BRSK2: variants seen among roughly 807,000 people sequenced by gnomAD.
BRSK2 encodes the protein serine/threonine-protein kinase BRSK2.
Under a neutral mutation model 83.3 loss-of-function variants are expected in BRSK2, and 19 were observed. The ratio of observed to expected loss-of-function variants is 0.23; its 90% CI spans 0.16 to 0.33. The LOEUF is 0.33. Among genes scored for constraint, BRSK2 ranks in the 10% least tolerant of loss-of-function variants. The probability of loss-of-function intolerance (pLI) is 1.00; values close to 1 mark genes in which losing one functional copy is unlikely to be tolerated. For synonymous variants in BRSK2, 519 were observed against 435.4 expected (o/e 1.19, Z -2.39); for missense variants, 798 against 1,042.3 (o/e 0.77, Z 3.23).
At chr11:1,411,540 C>T (rs765301999) in intron 1 of BRSK2, 2 of 1,555,470 alleles carry the variant, frequency 1.3e-6, no homozygotes, top group Non-Finnish European at 1.7e-6. Flanking sequence ...TCACAGAGTG[C>T]CAGCTGGCCA....
At chr11:1,425,863 G>A (rs1336521745) in intron 1 of BRSK2, among the ~76,000 whole-genome samples, 2 of 152,316 alleles carry the variant, frequency 1.3e-5, no homozygotes, top group African/African-American at 4.8e-5. Context: ...TGTGGGGCAG[G>A]GGAGGGCGTG....
chr11:1,391,456 G>A (rs1845728091), intron 1 of BRSK2, among the ~76,000 whole-genome samples: 1 of 152,186 alleles, frequency 6.6e-6, no homozygotes, highest in Non-Finnish European at 1.5e-5. Flanking sequence ...AAGAAAGTGG[G>A]CCAGGCCCAG....
chr11:1,442,417 A>AG, intron 4 of BRSK2, 73 bp from the exon 5 acceptor site: 1 of 1,169,456 alleles, frequency 8.6e-7, no homozygotes, highest in Non-Finnish European at 1.3e-6. Context: ...GGCTCTGGGC[A>AG]GGGGGTCTCC....
chr11:1,396,814 G>A (rs1262179422), intron 1 of BRSK2, among the ~76,000 whole-genome samples: 2 of 152,240 alleles, frequency 1.3e-5, no homozygotes, highest in African/African-American at 2.4e-5. Flanking sequence ...GTGGGGCTGT[G>A]CCTAGATGGT....
chr11:1,449,042 ACTGT>A (rs1311781719), intron 12 of BRSK2, among the ~76,000 whole-genome samples: 1 of 152,192 alleles, frequency 6.6e-6, no homozygotes, highest in African/African-American at 2.4e-5. Flanking sequence ...GGCAGCTGCC[ACTGT>A]CTGGGCACGT....
intron 12 of BRSK2, among the ~76,000 whole-genome samples, chr11:1,449,196 C>T (rs1845494889): frequency 6.6e-6 from 1 of 152,220 alleles, no homozygotes; most frequent in Non-Finnish European, 1.5e-5. Flanking sequence ...AGGTCTCAGG[C>T]TGAGTAGGGC....
intron 1 of BRSK2, among the ~76,000 whole-genome samples, chr11:1,416,308 C>T (rs751713733): frequency 6.6e-6 from 1 of 152,206 alleles, no homozygotes; most frequent in Non-Finnish European, 1.5e-5. Context: ...AGCCACACAG[C>T]CCGTGGACTG....
chr11:1,450,905 G>A (rs1845740986), intron 14 of BRSK2, 111 bp downstream of exon 14: 3 of 1,097,886 alleles, frequency 2.7e-6, no homozygotes, highest in Non-Finnish European at 1.3e-6. Flanking sequence ...GTAGCTGCAG[G>A]GGTGGCCTGG....
At chr11:1,426,169 C>A (rs945070171) in intron 1 of BRSK2, among the ~76,000 whole-genome samples, 3 of 152,194 alleles carry the variant, frequency 2.0e-5, no homozygotes, top group Non-Finnish European at 4.4e-5. Context: ...ACGGGCAGGG[C>A]CACGTGGCCA....
At chr11:1,444,903 C>A in intron 8 of BRSK2, 68 bp from the exon 9 acceptor site, 1 of 1,498,110 alleles carries the variant, frequency 6.7e-7, no homozygotes, top group Non-Finnish European at 9.3e-7. Context: ...TGCCTTCCCC[C>A]TCACCTCCTA....
At chr11:1,429,081 G>A (rs1213286398) in intron 1 of BRSK2, among the ~76,000 whole-genome samples, 1 of 149,740 alleles carries the variant, frequency 6.7e-6, no homozygotes, top group Non-Finnish European at 1.5e-5. Context: ...ATGGGTGTGT[G>A]TCCTGGGTGC....
At chr11:1,440,758 T>A (rs374035616) in intron 3 of BRSK2, 30 bp from the exon 4 acceptor site, 48 of 1,547,324 alleles carry the variant, frequency 3.1e-5, no homozygotes, top group Non-Finnish European at 4.0e-5. Context: ...CAGCCACAGC[T>A]GGGCGCACTG....
intron 15 of BRSK2, among the ~76,000 whole-genome samples, chr11:1,453,111 G>A (rs1246953133): frequency 1.3e-5 from 2 of 152,228 alleles, no homozygotes; most frequent in African/African-American, 4.8e-5. Context: ...CCCACCCTGT[G>A]AGGAAGGGTC....
At chr11:1,420,276 A>G (rs938023868) in intron 1 of BRSK2, among the ~76,000 whole-genome samples, 1 of 152,244 alleles carries the variant, frequency 6.6e-6, no homozygotes, top group Non-Finnish European at 1.5e-5. Flanking sequence ...TGTGACCCCA[A>G]CTACCCTTCT....
chr11:1,411,090 G>A, intron 1 of BRSK2: 1 of 1,168,152 alleles, frequency 8.6e-7, no homozygotes, highest in East Asian at 3.8e-5. Context: ...GCGGGCTTTG[G>A]AGGAGGCAGC....
intron 12 of BRSK2, among the ~76,000 whole-genome samples, 194 bp downstream of exon 12, chr11:1,446,101 G>C (rs1332405631): frequency 1.4e-5 from 2 of 140,612 alleles, no homozygotes; most frequent in Non-Finnish European, 3.0e-5. Flanking sequence ...AGCTGGGCTG[G>C]GCTGGGCTGG....
intron 1 of BRSK2, among the ~76,000 whole-genome samples, chr11:1,416,547 G>A (rs1210738856): frequency 2.6e-5 from 4 of 152,128 alleles, no homozygotes; most frequent in African/African-American, 4.8e-5. Flanking sequence ...TTTAACTACC[G>A]GCGGTTGTAT....
Position 1,445,918 on chromosome 11 carries a change from C to G in BRSK2, c.1226+11C>G, listed in dbSNP as rs1564858387. 1 of 1,595,822 alleles carries G rather than the reference C, an allele frequency of 6.3e-7. No homozygotes were observed. The highest frequency in any genetic ancestry group is 1.1e-5 in the South Asian group (1 of 90,240). On this transcript the variant is annotated intron_variant, in intron 12 of 19. Coordinates refer to ENST00000528841, the MANE Select transcript of BRSK2 (RefSeq NM_001256627.2). Reference sequence around the variant, plus strand: ...CCAGCACGGCCAGAGGTGTGTGTGCCCCGAGGCTGCTGGGCCTCCCTCCCT... The same window carrying G: ...CCAGCACGGCCAGAGGTGTGTGTGCGCCGAGGCTGCTGGGCCTCCCTCCCT...
chr11:1,448,515 C>T (rs1342699895), intron 12 of BRSK2, among the ~76,000 whole-genome samples: 2 of 152,196 alleles, frequency 1.3e-5, no homozygotes, highest in East Asian at 3.9e-4. Flanking sequence ...AGCTGCCTGG[C>T]CGGATAGGAC....
Sources: gnomAD v4.1 joint callset for allele counts (sites outside exome capture counted in the v4.1 genomes callset) on GRCh38, gnomAD v4.1.1 for gene constraint, MANE v1.5 for transcripts, NCBI Gene and HGNC (gene_info 2026-07-23, HGNC 2026-07-21) for gene names.